The following IGSF10 variants were observed in gnomAD, a reference collection of about 807,000 sequenced individuals.
IGSF10 encodes immunoglobulin superfamily member 10.
In IGSF10, 126 loss-of-function variants were observed where a neutral mutation model predicts 128.2. The observed-to-expected ratio is 0.98, with a 90% CI of 0.85 to 1.14. IGSF10 has a LOEUF of 1.14. Ranked by LOEUF, IGSF10 falls within the 50% of genes most tolerant of loss-of-function variation. The pLI is 0.00. For synonymous variants in IGSF10, 1,185 were observed against 1,146.2 expected, an observed-to-expected ratio of 1.03 and a Z score of -0.68; for missense variants, 3,295 against 3,149.8, an observed-to-expected ratio of 1.05 and a Z score of -1.10.
the IGSF10 span, among the ~76,000 whole-genome samples, chr3:151,515,159 A>C: frequency 6.6e-6 from 1 of 152,148 alleles, no homozygotes; most frequent in Admixed American, 6.5e-5. Context: ...CTATAAAGAC[A>C]CATGCACACG....
chr3:151,548,255 A>G, the IGSF10 span, among the ~76,000 whole-genome samples: 4 of 152,346 alleles, frequency 2.6e-5, no homozygotes, highest in East Asian at 7.7e-4. Context: ...CATGGCAAAT[A>G]GAGAGGCCTC....
chr3:151,466,161 G>T, the IGSF10 span, among the ~76,000 whole-genome samples: 1 of 151,804 alleles, frequency 6.6e-6, no homozygotes, highest in Non-Finnish European at 1.5e-5. Context: ...AATTTAATTT[G>T]TCTGAAGTTT....
chr3:151,602,729 A>G, the IGSF10 span, among the ~76,000 whole-genome samples: 2 of 152,034 alleles, frequency 1.3e-5, no homozygotes, highest in African/African-American at 2.4e-5. Context: ...ATGCACCTTC[A>G]TACTTCATTT....
At chr3:151,480,055 A>G in the IGSF10 span, among the ~76,000 whole-genome samples, 7 of 152,094 alleles carry the variant, frequency 4.6e-5, no homozygotes, top group South Asian at 1.5e-3. Context: ...GTAAGCCTGC[A>G]TTTACTGCTT....
chr3:151,495,126 C>G, the IGSF10 span, among the ~76,000 whole-genome samples: 2 of 152,128 alleles, frequency 1.3e-5, no homozygotes, highest in African/African-American at 4.8e-5. Flanking sequence ...TACTTTCTGA[C>G]ACAATTTAAT....
At chr3:151,612,426 C>T in the IGSF10 span, among the ~76,000 whole-genome samples, 92 of 152,260 alleles carry the variant, frequency 6.0e-4, no homozygotes, top group African/African-American at 2.2e-3. Flanking sequence ...AATACTTTTA[C>T]AGGTGGTGAT....
the IGSF10 span, among the ~76,000 whole-genome samples, chr3:151,504,516 A>G: frequency 6.6e-6 from 1 of 152,206 alleles, no homozygotes; most frequent in Non-Finnish European, 1.5e-5. Context: ...TCTCTTAAAT[A>G]TTGACTGGAA....
intron 5 of IGSF10, 22 bp downstream of exon 5, chr3:151,453,360 CAA>C: frequency 6.5e-7 from 1 of 1,534,340 alleles, no homozygotes. Flanking sequence ...TTAATTGGGA[CAA>C]AAAAATAAAC....
At chr3:151,567,145 A>G in the IGSF10 span, among the ~76,000 whole-genome samples, 1 of 152,222 alleles carries the variant, frequency 6.6e-6, no homozygotes, top group Non-Finnish European at 1.5e-5. Flanking sequence ...ACAGTAGCCA[A>G]TGATCATAGA....
At chr3:151,614,773 T>C in the IGSF10 span, among the ~76,000 whole-genome samples, 1 of 151,704 alleles carries the variant, frequency 6.6e-6, no homozygotes, top group Non-Finnish European at 1.5e-5. Flanking sequence ...TATATATATG[T>C]AACAAACCTG....
chr3:151,436,663 G>A lies in IGSF10; in HGVS notation c.*26C>T. 6.7e-7 allele frequency: 1 copy of A among 1,496,254 alleles called. No individual in the cohort carries two copies. Among genetic ancestry groups the A allele is most frequent in the Non-Finnish European group, 9.1e-7 (1 of 1,101,912 alleles). 92.7% of individuals were successfully genotyped at this position (1,496,254 alleles called of 1,614,324 possible). On this transcript the variant is annotated 3_prime_UTR_variant, in exon 8 of 8. Coordinates refer to ENST00000282466, the MANE Select transcript of IGSF10 (RefSeq NM_178822.5). ...TCTTCCAAAAAATAAATTCTGCCCA[G>A]ATGTTGTTGACTTTATTATTTCATG...
chr3:151,617,198 TTCC>T, the IGSF10 span, among the ~76,000 whole-genome samples: 35,243 of 129,354 alleles, frequency 0.27, 6,212 homozygotes, highest in African/African-American at 0.47. Flanking sequence ...TCCTCCTTCT[TTCC>T]TCCTCCTCCT....
the IGSF10 span, among the ~76,000 whole-genome samples, chr3:151,569,517 G>A: frequency 6.6e-6 from 1 of 152,274 alleles, no homozygotes; most frequent in South Asian, 2.1e-4. Flanking sequence ...GTGATGCTAA[G>A]TGCTGAGATA....
chr3:151,523,239 G>T, the IGSF10 span, among the ~76,000 whole-genome samples: 1 of 152,096 alleles, frequency 6.6e-6, no homozygotes, highest in African/African-American at 2.4e-5. Flanking sequence ...TGGCCATACT[G>T]CCCAAAGCAA....
chr3:151,508,901 T>C, the IGSF10 span, among the ~76,000 whole-genome samples: 1 of 152,228 alleles, frequency 6.6e-6, no homozygotes, highest in African/African-American at 2.4e-5. Flanking sequence ...TGTCTGAGTT[T>C]ATGCTATCAA....
At chr3:151,535,355 G>A in the IGSF10 span, among the ~76,000 whole-genome samples, 10 of 152,128 alleles carry the variant, frequency 6.6e-5, no homozygotes, top group Non-Finnish European at 1.5e-4. Flanking sequence ...AATTAATGCA[G>A]AAACAGAAAA....
Position 151,449,262 on chromosome 3 carries a change from A to G in IGSF10, c.719T>C (p.Val240Ala). 1 of 1,564,054 alleles carries G rather than the reference A, an allele frequency of 6.4e-7. No individual in the cohort carries two copies. Among genetic ancestry groups the G allele is most frequent in the Non-Finnish European group, 8.6e-7 (1 of 1,157,234 alleles). ...ACTTCTATCTTTTTTGCATTTTATT[A>G]CATCTGGAAAAAAATCACAATTGAA... ...LSDWIQEKPD[V>A]IKCKKDRSPS... Residue 240 changes from valine (V) to alanine (A), a missense_variant, in exon 6 of 8, where the codon GTA becomes GCA. By Grantham distance (64) the Val-to-Ala change is moderately conservative. Transcript: ENST00000282466.
the IGSF10 span, among the ~76,000 whole-genome samples, chr3:151,537,511 G>A: frequency 2.5e-4 from 38 of 152,228 alleles, no homozygotes; most frequent in Non-Finnish European, 4.7e-4. Context: ...CTACCATCTA[G>A]TTCATTTTTC....
At chr3:151,540,624 A>T in the IGSF10 span, among the ~76,000 whole-genome samples, 7 of 152,186 alleles carry the variant, frequency 4.6e-5, no homozygotes, top group African/African-American at 1.7e-4. Context: ...TGGTGCACAT[A>T]TATCTATGTA....
Sources: allele counts gnomAD v4.1 joint callset (sites outside exome capture counted in the v4.1 genomes callset), GRCh38; gene constraint gnomAD v4.1.1; transcripts MANE v1.5; gene names NCBI Gene and HGNC (gene_info 2026-07-23, HGNC 2026-07-21).